STUM: variants seen among roughly 807,000 people sequenced by gnomAD.
The protein encoded by STUM is stum, mechanosensory transduction mediator homolog.
STUM carries 8 observed loss-of-function variants against 15.3 expected under a neutral mutation model. That is an observed-to-expected ratio of 0.52 (90% CI 0.31 to 0.94). The LOEUF is 0.94. STUM is among the 40% of genes least tolerant of loss of function. The probability of loss-of-function intolerance (pLI) is 0.05; values close to 1 mark genes in which losing one functional copy is unlikely to be tolerated. For missense variants in STUM, 142 were observed against 204.9 expected (o/e 0.69, Z 1.87); for synonymous variants, 78 against 88.7 (o/e 0.88, Z 0.68).
chr1:226,586,051 A>T lies in STUM; in HGVS notation c.203-10751A>T, dbSNP rs369076792. On this transcript the variant is annotated intron_variant, in intron 1 of 3. Coordinates refer to ENST00000366788, the MANE Select transcript of STUM (RefSeq NM_001003665.4). ...ATTCCATCATGGAGACTCCAACTCC[A>T]TGACCTCATCAAACCTTTGCTCGAT... 3.9e-5 allele frequency among the ~76,000 whole-genome samples: 6 copies of T among 152,248 alleles called. 1 individual carries two copies. The South Asian group carries it at 1.2e-3, about 32-fold the overall frequency.
rs1179119273 is a variant in STUM at position 226,606,756 on chromosome 1, A to C, written c.*4716A>C. ...TGAAGCCTTTGCTGTCAACCCTCCC[A>C]GGAAAGAAGCCGGGCCTCAGGCTGA... On this transcript the variant is annotated 3_prime_UTR_variant, in exon 4 of 4. Transcript: ENST00000366788. 3 of 152,274 alleles carry C rather than the reference A, an allele frequency of 2.0e-5. No individual in the cohort carries two copies. The highest frequency in any genetic ancestry group is 6.5e-5 in the Admixed American group (1 of 15,286). The allele number at this position is 152,274 out of a possible 1,614,324, so 9.4% of individuals were successfully genotyped here. A position where few individuals can be genotyped will look rare whatever the true frequency, so the allele number is the denominator to read the frequency against.
Position 226,609,169 on chromosome 1 carries a change from TC to T in STUM, c.*7131del, listed in dbSNP as rs1359410768. 2 of 152,206 alleles carry T rather than the reference TC, an allele frequency of 1.3e-5. No individual in the cohort carries two copies. The highest frequency in any genetic ancestry group is 4.8e-5 in the African/African-American group (2 of 41,444). 9.4% of individuals were successfully genotyped at this position (152,206 alleles called of 1,614,324 possible). A position where few individuals can be genotyped will look rare whatever the true frequency, so the allele number is the denominator to read the frequency against. On this transcript the variant is annotated 3_prime_UTR_variant, in exon 4 of 4. Transcript: ENST00000366788. ...AATACGGCTTTGGAAACCTTTTTCT[TC>T]CTTTCCCTCTTTTCTATGTTGTAAT...
intron 1 of STUM, among the ~76,000 whole-genome samples, chr1:226,562,533 C>T (rs1667559789): frequency 6.6e-6 from 1 of 151,108 alleles, no homozygotes; most frequent in African/African-American, 2.4e-5. Context: ...AAATTAACAT[C>T]ATCAACAAGG....
At chr1:226,569,741 G>C (rs1430780566) in intron 1 of STUM, among the ~76,000 whole-genome samples, 2 of 152,186 alleles carry the variant, frequency 1.3e-5, no homozygotes, top group Non-Finnish European at 2.9e-5. Context: ...ACAAGAGGGA[G>C]AGCCAGGAGT....
chr1:226,568,691 G>A (rs916639273), intron 1 of STUM, among the ~76,000 whole-genome samples: 5 of 152,256 alleles, frequency 3.3e-5, no homozygotes, highest in African/African-American at 1.2e-4. Flanking sequence ...TGTCCCAGCT[G>A]TGGGGAGGAG....
chr1:226,594,804 G>C (rs552106320), intron 1 of STUM, among the ~76,000 whole-genome samples: 20 of 152,112 alleles, frequency 1.3e-4, no homozygotes. Context: ...ACAGGCGCCC[G>C]CCACCACATC....
chr1:226,574,905 G>A (rs907318146), intron 1 of STUM, among the ~76,000 whole-genome samples: 3 of 152,178 alleles, frequency 2.0e-5, no homozygotes, highest in African/African-American at 7.2e-5. Context: ...TCAGAGGAAA[G>A]GCCCACCCCA....
At chr1:226,582,968 G>A (rs1667942289) in intron 1 of STUM, among the ~76,000 whole-genome samples, 1 of 152,214 alleles carries the variant, frequency 6.6e-6, no homozygotes, top group African/African-American at 2.4e-5. Flanking sequence ...GGCTCAGGAG[G>A]GCATTTCTTT....
At chr1:226,593,640 G>C (rs1008988295) in intron 1 of STUM, among the ~76,000 whole-genome samples, 6 of 152,180 alleles carry the variant, frequency 3.9e-5, no homozygotes, top group African/African-American at 1.4e-4. Context: ...GGAAGCTCCA[G>C]CCAACACTCT....
At chr1:226,590,718 C>T (rs1022921610) in intron 1 of STUM, among the ~76,000 whole-genome samples, 1 of 152,224 alleles carries the variant, frequency 6.6e-6, no homozygotes, top group Non-Finnish European at 1.5e-5. Context: ...CTTCCCTCCT[C>T]TGAGTCCAGT....
At chr1:226,568,315 C>T (rs7526010) in intron 1 of STUM, among the ~76,000 whole-genome samples, 27,365 of 152,094 alleles carry the variant, frequency 0.18, 3,567 homozygotes, top group African/African-American at 0.37. Context: ...AGTCCCACTG[C>T]GGGTTCAGGG....
intron 1 of STUM, among the ~76,000 whole-genome samples, chr1:226,577,863 G>A (rs1208470616): frequency 2.0e-5 from 3 of 152,204 alleles, no homozygotes; most frequent in South Asian, 2.1e-4. Flanking sequence ...AGAGGAGACA[G>A]TAGGGCGGGG....
intron 1 of STUM, among the ~76,000 whole-genome samples, chr1:226,585,045 T>C (rs1468246698): frequency 1.3e-5 from 2 of 152,238 alleles, no homozygotes; most frequent in Non-Finnish European, 2.9e-5. Context: ...TCGAAGCACT[T>C]GCCCATCTTG....
At chr1:226,577,712 T>C (rs1667842175) in intron 1 of STUM, among the ~76,000 whole-genome samples, 1 of 152,204 alleles carries the variant, frequency 6.6e-6, no homozygotes, top group Admixed American at 6.5e-5. Flanking sequence ...CAGCCGCTCT[T>C]ACTGTGACAG....
chr1:226,590,125 C>T (rs1668062763), intron 1 of STUM, among the ~76,000 whole-genome samples: 2 of 152,090 alleles, frequency 1.3e-5, no homozygotes, highest in South Asian at 2.1e-4. Flanking sequence ...CGAGAACCTT[C>T]ATGTCCACTT....
chr1:226,584,992 A>G (rs752665884), intron 1 of STUM, among the ~76,000 whole-genome samples: 4 of 152,224 alleles, frequency 2.6e-5, no homozygotes, highest in African/African-American at 9.7e-5. Context: ...AATATTTTAA[A>G]ATAGTCCCCC....
At chr1:226,557,337 G>A (rs553340038) in intron 1 of STUM, among the ~76,000 whole-genome samples, 56 of 152,166 alleles carry the variant, frequency 3.7e-4, no homozygotes, top group South Asian at 2.1e-4. Flanking sequence ...TTTATATACC[G>A]CCTTTTAAGG....
chr1:226,557,495 C>G (rs1243732142), intron 1 of STUM, among the ~76,000 whole-genome samples: 2 of 152,058 alleles, frequency 1.3e-5, no homozygotes, highest in Non-Finnish European at 2.9e-5. Context: ...GGGTAAATAC[C>G]CAGAAGTAGG....
chr1:226,601,654 C>T (rs765410567), intron 3 of STUM, among the ~76,000 whole-genome samples: 7 of 152,168 alleles, frequency 4.6e-5, no homozygotes, highest in Non-Finnish European at 1.0e-4. Context: ...TCGGGGAAGC[C>T]TGCCTGGCAC....
Sources: gnomAD v4.1 joint callset for allele counts (sites outside exome capture counted in the v4.1 genomes callset) on GRCh38, gnomAD v4.1.1 for gene constraint, MANE v1.5 for transcripts, NCBI Gene and HGNC (gene_info 2026-07-23, HGNC 2026-07-21) for gene names.